PTK2B: variants seen among roughly 807,000 people sequenced by gnomAD.
The protein encoded by PTK2B is protein tyrosine kinase 2 beta, also known as protein-tyrosine kinase 2-beta.
Under a neutral mutation model 142.9 loss-of-function variants are expected in PTK2B, and 71 were observed. That is an observed-to-expected ratio of 0.50 (90% CI 0.41 to 0.61). PTK2B has a LOEUF of 0.61. PTK2B is among the 20% of genes least tolerant of loss of function. The pLI is 0.00. For missense variants in PTK2B, 1,105 were observed against 1,320.4 expected (o/e 0.84, Z 2.53); for synonymous variants, 519 against 503.4 (o/e 1.03, Z -0.42).
upstream of PTK2B, among the ~76,000 whole-genome samples, chr8:27,321,499 C>T (rs867642822): frequency 3.9e-5 from 6 of 152,156 alleles, no homozygotes; most frequent in African/African-American, 1.4e-4. Flanking sequence ...AGACTATGTC[C>T]AGGGTAAGCA....
At chr8:27,322,296 A>G (rs1803236884), upstream of PTK2B, 2 of 152,232 alleles carry the variant, frequency 1.3e-5, no homozygotes, top group Admixed American at 6.5e-5. Flanking sequence ...TGCCAGTTAC[A>G]TAATGTCGCA....
At chr8:27,365,463 G>A (rs980522585) in intron 1 of PTK2B, among the ~76,000 whole-genome samples, 1 of 152,150 alleles carries the variant, frequency 6.6e-6, no homozygotes. Context: ...ACCTGCCTAA[G>A]CCTTGGTTTC....
At chr8:27,454,706 A>T in intron 30 of PTK2B, 95 bp downstream of exon 30, 1 of 1,299,760 alleles carries the variant, frequency 7.7e-7, no homozygotes, top group Non-Finnish European at 1.1e-6. Context: ...GGGCAACCTC[A>T]TGTCTGTCCA....
chr8:27,326,173 G>A lies in PTK2B; in HGVS notation c.-38+492G>A, dbSNP rs181516792. On this transcript the variant is annotated intron_variant, in intron 1 of 30. Transcript: ENST00000346049. ...CCTGAGAGGTCATCTTCTGAATCAA[G>A]CCCTGGCTGGAGGAAAGCAAGGGTG... Among the ~76,000 whole-genome samples, 9 of 152,174 alleles carry A rather than the reference G, an allele frequency of 5.9e-5. No individual in the cohort carries two copies. The East Asian group carries it at 1.7e-3, about 29-fold the overall frequency.
At chr8:27,349,113 G>T (rs1563209009) in intron 1 of PTK2B, among the ~76,000 whole-genome samples, 1 of 152,156 alleles carries the variant, frequency 6.6e-6, no homozygotes, top group Non-Finnish European at 1.5e-5. Flanking sequence ...CTCTTCTGGT[G>T]TCCTTATTAG....
At chr8:27,358,177 C>T (rs917990400) in intron 1 of PTK2B, among the ~76,000 whole-genome samples, 3 of 152,194 alleles carry the variant, frequency 2.0e-5, no homozygotes, top group African/African-American at 7.2e-5. Flanking sequence ...TCTAAATTCC[C>T]CCAGGGCAGC....
At chr8:27,395,279 C>A (rs973928582) in intron 1 of PTK2B, among the ~76,000 whole-genome samples, 3 of 152,134 alleles carry the variant, frequency 2.0e-5, no homozygotes, top group Non-Finnish European at 2.9e-5. Flanking sequence ...GCGTTGTGCT[C>A]TGACCTTGCC....
At chr8:27,419,217 A>G (rs1809592189) in intron 2 of PTK2B, among the ~76,000 whole-genome samples, 1 of 152,228 alleles carries the variant, frequency 6.6e-6, no homozygotes, top group Non-Finnish European at 1.5e-5. Context: ...ACAAGAGGGC[A>G]CGTGGTTTCT....
rs116975318 is a variant in PTK2B, at chr8:27,389,123, G to A, written c.-37-8425G>A. Among the ~76,000 whole-genome samples, 877 of 152,238 alleles carry A rather than the reference G, an allele frequency of 5.8e-3. 18 individuals carry two copies. Among genetic ancestry groups the A allele is most frequent in the Admixed American group, 0.031 (475 of 15,300 alleles). ...CGTAGCAGGCTGTGGCTGTTTTTGT[G>A]TGTTTTGTTCCGTTTTATCTTTTTT... On this transcript the variant is annotated intron_variant, in intron 1 of 30. Transcript: ENST00000346049.
rs147983841 is a variant in PTK2B at position 27,328,942 on chromosome 8, C to CT, written c.-38+3274dup. Among the ~76,000 whole-genome samples, 1,405 of 145,922 alleles carry CT rather than the reference C, an allele frequency of 9.6e-3. 19 individuals carry two copies. Among genetic ancestry groups the CT allele is most frequent in the African/African-American group, 0.024 (954 of 39,816 alleles). Reference sequence around the variant, plus strand: ...CAAGGAAGGAGCCCTTGCGTGCAACCTTTTTTTTTTTTTGAGATGGAGTCT... The same window carrying CT: ...CAAGGAAGGAGCCCTTGCGTGCAACCTTTTTTTTTTTTTTGAGATGGAGTCT... On this transcript the variant is annotated intron_variant, in intron 1 of 30. Transcript: ENST00000346049.
chr8:27,434,106 G>C lies in PTK2B; in HGVS notation c.1119G>C (p.Arg373=). ...IIHPRKDGEK[R]NSLPQIPMLN... ...CTCTCTTCCTAGATGGTGAGAAGCG[G>C]AACAGCCTGCCCCAGATCCCCATGC... The change falls in exon 12 of 31, where the codon CGG becomes CGC. Residue 373 remains arginine (R), a synonymous_variant. Transcript: ENST00000346049. 1.2e-6 allele frequency: 2 copies of C among 1,614,074 alleles called. No individual in the cohort carries two copies. The highest frequency in any genetic ancestry group is 1.7e-6 in the Non-Finnish European group (2 of 1,179,986).
intron 5 of PTK2B, among the ~76,000 whole-genome samples, chr8:27,425,063 G>A (rs1809993948): frequency 7.0e-6 from 1 of 143,394 alleles, no homozygotes; most frequent in Admixed American, 6.9e-5. Context: ...TTATAGTCAC[G>A]TTGTGTTACT....
rs73681118 is a variant in PTK2B at position 27,409,144 on chromosome 8, C to T, written c.205-10751C>T. ...CCACCCGAATGACCTCATTTTAACT[C>T]GATTAGTCTGTAAACACTCTATAAA... On this transcript the variant is annotated intron_variant, in intron 2 of 30. Transcript: ENST00000346049. Among the ~76,000 whole-genome samples the T allele has an allele frequency of 7.7e-3, 1,165 of 152,238 alleles. 16 individuals carry two copies. Among genetic ancestry groups the T allele is most frequent in the African/African-American group, 0.027 (1,132 of 41,550 alleles).
intron 1 of PTK2B, chr8:27,396,247 T>G (rs1293150520): frequency 6.6e-6 from 1 of 152,216 alleles, no homozygotes; most frequent in Non-Finnish European, 1.5e-5. Flanking sequence ...AATCTTTCTT[T>G]TCTATTGTCC....
intron 24 of PTK2B, among the ~76,000 whole-genome samples, chr8:27,448,629 T>C (rs186868842): frequency 1.3e-5 from 2 of 152,300 alleles, no homozygotes; most frequent in Admixed American, 6.5e-5. Flanking sequence ...CTTGTAGAAT[T>C]TTCTTGATTC....
intron 1 of PTK2B, among the ~76,000 whole-genome samples, chr8:27,354,609 C>T (rs779498862): frequency 1.3e-5 from 2 of 152,066 alleles, no homozygotes; most frequent in Admixed American, 6.5e-5. Flanking sequence ...TAGTGACATC[C>T]GAAGTGCTTG....
chr8:27,367,898 GC>G (rs1203115480), intron 1 of PTK2B, among the ~76,000 whole-genome samples: 1 of 152,172 alleles, frequency 6.6e-6, no homozygotes, highest in Non-Finnish European at 1.5e-5. Context: ...CTCCCACCAG[GC>G]CCCACCTCCC....
At chr8:27,440,912 G>A (rs960126456) in intron 21 of PTK2B, among the ~76,000 whole-genome samples, 1 of 152,080 alleles carries the variant, frequency 6.6e-6, no homozygotes, top group African/African-American at 2.4e-5. Flanking sequence ...CTGAGGGCCC[G>A]TCGGTGCCCA....
chr8:27,314,597 C>G (rs1292671041), intron 3 of PTK2B, among the ~76,000 whole-genome samples: 1 of 152,252 alleles, frequency 6.6e-6, no homozygotes, highest in Admixed American at 6.5e-5. Context: ...TCTCCATTTA[C>G]ATAGGGCGTA....
Sources: gnomAD v4.1 joint callset for allele counts (sites outside exome capture counted in the v4.1 genomes callset) on GRCh38, gnomAD v4.1.1 for gene constraint, MANE v1.5 for transcripts, NCBI Gene and HGNC (gene_info 2026-07-23, HGNC 2026-07-21) for gene names.